Variants in IPO13 observed in about 807,000 individuals in gnomAD.
IPO13 encodes importin-13.
In IPO13, 28 loss-of-function variants were observed where a neutral mutation model predicts 115.5. That is an observed-to-expected ratio of 0.24 (90% CI 0.18 to 0.33). The LOEUF (loss-of-function observed/expected upper bound fraction) is 0.33. IPO13 is among the 10% of genes least tolerant of loss of function. The pLI is 1.00. For synonymous variants in IPO13, 414 were observed against 478.9 expected (o/e 0.86, Z 1.77); for missense variants, 785 against 1,204.6 (o/e 0.65, Z 5.16).
At chr1:43,948,523 C>A (rs2085183484) in intron 1 of IPO13, among the ~76,000 whole-genome samples, 1 of 152,234 alleles carries the variant, frequency 6.6e-6, no homozygotes, top group Non-Finnish European at 1.5e-5. Context: ...CCTGCTTTGG[C>A]GTCCCTGAGG....
At chr1:43,950,254 C>T in intron 2 of IPO13, 101 bp downstream of exon 2, 1 of 1,353,192 alleles carries the variant, frequency 7.4e-7, no homozygotes. Context: ...GTACTGATAC[C>T]TGGTCCTATG....
Position 43,967,112 on chromosome 1 carries a change from A to G in IPO13, c.2613+93A>G. 1.6e-6 allele frequency: 2 copies of G among 1,249,566 alleles called. No individual in the cohort carries two copies. The highest frequency in any genetic ancestry group is 2.4e-5 in the South Asian group (2 of 82,462). 77.4% of individuals were successfully genotyped at this position (1,249,566 alleles called of 1,614,324 possible). On this transcript the variant is annotated intron_variant, in intron 18 of 19. Coordinates refer to ENST00000372343, the MANE Select transcript of IPO13 (RefSeq NM_014652.4). This position sits in a 1 kb window ranked among gnomAD's most constrained non-coding sequence, Gnocchi z 6.1. ...GGGAGGCTTGAGCCTTTGGTCCCCT[A>G]AGCTCTCAGATTCTGTTTCTTCTTC...
At chr1:43,963,905 A>C (rs952437700) in intron 14 of IPO13, among the ~76,000 whole-genome samples, 1 of 151,868 alleles carries the variant, frequency 6.6e-6, no homozygotes, top group Non-Finnish European at 1.5e-5. Flanking sequence ...TGCTAGGAGC[A>C]GTGTAGGGCT....
intron 2 of IPO13, among the ~76,000 whole-genome samples, chr1:43,950,558 G>A (rs2085202043): frequency 6.6e-6 from 1 of 152,152 alleles, no homozygotes; most frequent in Non-Finnish European, 1.5e-5. Context: ...CAGCCACAGT[G>A]ATCTTTTGAA....
rs1199669332 is a variant in IPO13, at chr1:43,966,788, TCC to T, written c.2523+8_2523+9del. On this transcript the variant is annotated splice_region_variant and intron_variant, in intron 17 of 19. Transcript: ENST00000372343. This position sits in a 1 kb window ranked among gnomAD's most constrained non-coding sequence, Gnocchi z 4.1. ...AGGCCTCCTGTGGCTTCTTTGTGAGTCCCATGCTGAACCCTGACCCACTGCCA... is the reference window on the plus strand; with the variant it reads ...AGGCCTCCTGTGGCTTCTTTGTGAGTCATGCTGAACCCTGACCCACTGCCA... 1 of 1,613,678 alleles carries T rather than the reference TCC, an allele frequency of 6.2e-7. No individual in the cohort carries two copies. The highest frequency in any genetic ancestry group is 1.3e-5 in the African/African-American group (1 of 74,784).
chr1:43,948,466 C>T (rs1158211576), intron 1 of IPO13, among the ~76,000 whole-genome samples: 1 of 152,248 alleles, frequency 6.6e-6, no homozygotes, highest in Non-Finnish European at 1.5e-5. Flanking sequence ...ACTTGTTATC[C>T]TTAACCCCCG....
chr1:43,965,255 C>A (rs1253048698), intron 15 of IPO13, among the ~76,000 whole-genome samples: 3 of 152,026 alleles, frequency 2.0e-5, no homozygotes, highest in Non-Finnish European at 4.4e-5. Flanking sequence ...AGCACGCAGA[C>A]CCCCTAACCT....
At position 43,967,215 on chromosome 1, in the gene IPO13, A is replaced by C; in HGVS notation, c.2614-100A>C. The C allele has an allele frequency of 7.7e-7, 1 of 1,303,100 alleles. No individual in the cohort carries two copies. The highest frequency in any genetic ancestry group is 1.1e-6 in the Non-Finnish European group (1 of 915,902). The allele number at this position is 1,303,100 out of a possible 1,614,324, so 80.7% of individuals were successfully genotyped here. ...AAAAGCAGCGCTCACTGTGATGTGC[A>C]GTTTGGCTTAGGAACTGTCCAGAGG... is the stretch of plus-strand genomic sequence containing the variant. On this transcript the variant is annotated intron_variant, in intron 18 of 19. Transcript: ENST00000372343. This position sits in a 1 kb window ranked among gnomAD's most constrained non-coding sequence, Gnocchi z 6.1.
rs1557636114 is a variant in IPO13, at chr1:43,966,515, G to T, written c.2398-60G>T. Reference sequence around the variant, plus strand: ...AGTTGGGGGCTGGGGTGGCAGGTGAGTGGGGGGGATGGTCCTTGGAGCTGG... The same window carrying T: ...AGTTGGGGGCTGGGGTGGCAGGTGATTGGGGGGGATGGTCCTTGGAGCTGG... On this transcript the variant is annotated intron_variant, in intron 15 of 19. Transcript: ENST00000372343. This position sits in a 1 kb window ranked among gnomAD's most constrained non-coding sequence, Gnocchi z 4.1. The T allele has an allele frequency of 1.9e-6, 3 of 1,556,758 alleles. No individual in the cohort carries two copies. Among genetic ancestry groups the T allele is most frequent in the Non-Finnish European group, 2.7e-6 (3 of 1,128,974 alleles).
In IPO13 at chr1:43,967,134, C is replaced by G; in HGVS notation, c.2613+115C>G. 8.6e-7 allele frequency: 1 copy of G among 1,163,266 alleles called. No individual in the cohort carries two copies. The highest frequency in any genetic ancestry group is 1.3e-6 in the Non-Finnish European group (1 of 786,256). 72.1% of individuals were successfully genotyped at this position (1,163,266 alleles called of 1,614,324 possible). A position where few individuals can be genotyped will look rare whatever the true frequency, so the allele number is the denominator to read the frequency against. ...CCTAAGCTCTCAGATTCTGTTTCTT[C>G]TTCAATTAAATGCCTGAAAGTTGTT... On this transcript the variant is annotated intron_variant, in intron 18 of 19. Coordinates refer to ENST00000372343, the MANE Select transcript of IPO13 (RefSeq NM_014652.4). This position sits in a 1 kb window ranked among gnomAD's most constrained non-coding sequence, Gnocchi z 6.1.
intron 2 of IPO13, among the ~76,000 whole-genome samples, chr1:43,953,780 G>C (rs2085225042): frequency 6.6e-6 from 1 of 152,210 alleles, no homozygotes. Context: ...TGGGGATGGA[G>C]GGAAAGTGAA....
At chr1:43,949,329 GCCTTGCA>G in intron 1 of IPO13, 81 bp from the exon 2 acceptor site, 1 of 1,410,014 alleles carries the variant, frequency 7.1e-7, no homozygotes, top group Non-Finnish European at 9.4e-7. Flanking sequence ...AGAGGGAGCA[GCCTTGCA>G]GGACCAAGTC....
intron 7 of IPO13, 142 bp downstream of exon 7, chr1:43,957,691 G>T (rs2085260818): frequency 5.5e-6 from 6 of 1,087,564 alleles, no homozygotes; most frequent in Middle Eastern, 3.0e-4. Context: ...TGACTGTCCT[G>T]GCAGGTCTAG....
intron 12 of IPO13, 100 bp from the exon 13 acceptor site, chr1:43,960,776 T>C: frequency 6.9e-7 from 1 of 1,459,234 alleles, no homozygotes; most frequent in Admixed American, 2.0e-5. Flanking sequence ...GCAAGGCTTA[T>C]AGGTAAGGGC....
intron 15 of IPO13, chr1:43,965,890 G>A (rs1216605164): frequency 3.1e-5 from 5 of 161,364 alleles, no homozygotes; most frequent in African/African-American, 1.2e-4. Context: ...TGTGACCTGA[G>A]GATGTGCCAG....
In IPO13 at chr1:43,960,968, G is replaced by A; in HGVS notation, c.2202G>A (p.Met734Ile). The change falls in exon 13 of 20, where the codon ATG (methionine) becomes ATA (isoleucine). Residue 734 changes from methionine to isoleucine, a missense_variant. By Grantham distance (10) the Met-to-Ile change is conservative. Transcript: ENST00000372343. ...VPQLCEMLGRMYSTIPQASAL... is the reference protein window; with the variant it reads ...VPQLCEMLGRIYSTIPQASAL... Reference sequence around the variant, plus strand: ...AGCTGTGTGAGATGCTGGGTCGGATGTACAGCACCATCCCCCAGGCCTCTG... The same window carrying A: ...AGCTGTGTGAGATGCTGGGTCGGATATACAGCACCATCCCCCAGGCCTCTG... The A allele has an allele frequency of 1.2e-6, 2 of 1,614,218 alleles. No individual in the cohort carries two copies. Among genetic ancestry groups the A allele is most frequent in the South Asian group, 1.1e-5 (1 of 91,082 alleles).
intron 15 of IPO13, among the ~76,000 whole-genome samples, chr1:43,964,848 G>C (rs957229315): frequency 6.6e-6 from 1 of 152,190 alleles, no homozygotes; most frequent in African/African-American, 2.4e-5. Context: ...TGGAGTGCAG[G>C]CTCCATGCTA....
chr1:43,966,199 G>A lies in IPO13; in HGVS notation c.2398-376G>A, dbSNP rs954487332. On this transcript the variant is annotated intron_variant, in intron 15 of 19. Coordinates refer to ENST00000372343, the MANE Select transcript of IPO13 (RefSeq NM_014652.4). The surrounding 1 kb of genome is among the most constrained non-coding windows in gnomAD (Gnocchi z 4.1). ...TCCTGCTACCCTGTTCACAAACTGG[G>A]GGTGCTTAACTCCCTCTGTGAATCA... 3.7e-5 allele frequency: 13 copies of A among 352,212 alleles called. No individual in the cohort carries two copies. The highest frequency in any genetic ancestry group is 7.1e-5 in the Non-Finnish European group (13 of 183,188). The allele number at this position is 352,212 out of a possible 1,614,324, so 21.8% of individuals were successfully genotyped here.
chr1:43,966,646 G>A lies in IPO13; in HGVS notation c.2464+5G>A. 1 of 1,614,222 alleles carries A rather than the reference G, an allele frequency of 6.2e-7. No individual in the cohort carries two copies. Among genetic ancestry groups the A allele is most frequent in the South Asian group, 1.1e-5 (1 of 91,084 alleles). ...TCAAAGCTGTGTTCCAGTGTGGTAAGTGGGGCGAGATGGACAGGTGGGCCT... is the reference window on the plus strand; with the variant it reads ...TCAAAGCTGTGTTCCAGTGTGGTAAATGGGGCGAGATGGACAGGTGGGCCT... On this transcript the variant is annotated splice_donor_5th_base_variant and intron_variant, in intron 16 of 19. Coordinates refer to ENST00000372343, the MANE Select transcript of IPO13 (RefSeq NM_014652.4). The surrounding 1 kb of genome is among the most constrained non-coding windows in gnomAD (Gnocchi z 4.1).
Sources: gnomAD v4.1 joint callset for allele counts (sites outside exome capture counted in the v4.1 genomes callset) on GRCh38, gnomAD v4.1.1 for gene constraint, Gnocchi (gnomAD v3.1) non-coding constraint, MANE v1.5 for transcripts, NCBI Gene and HGNC (gene_info 2026-07-23, HGNC 2026-07-21) for gene names.